The following LINGO2 variants were observed in gnomAD, a reference collection of about 807,000 sequenced individuals.
LINGO2 encodes the protein leucine rich repeat and Ig domain containing 2.
LINGO2 carries 14 observed loss-of-function variants against 30.6 expected under a neutral mutation model. The observed-to-expected ratio is 0.46, with a 90% CI of 0.30 to 0.72. The LOEUF (loss-of-function observed/expected upper bound fraction) is 0.72, where lower values mean the gene tolerates loss of function less well. LINGO2 is among the 30% of genes least tolerant of loss of function. The probability of loss-of-function intolerance (pLI) is 0.07; values close to 1 mark genes in which losing one functional copy is unlikely to be tolerated. For missense variants in LINGO2, 729 were observed against 751.7 expected (o/e 0.97, Z 0.35); for synonymous variants, 317 against 288.5 (o/e 1.10, Z -1.00).
At chr9:28,155,700 A>C (rs2133574240) in intron 4 of LINGO2, among the ~76,000 whole-genome samples, 1 of 152,338 alleles carries the variant, frequency 6.6e-6, no homozygotes. Context: ...GTGTCTTCCC[A>C]AAATTCCTGT....
intron 5 of LINGO2, among the ~76,000 whole-genome samples, chr9:28,002,825 C>T (rs995579004): frequency 2.0e-5 from 3 of 152,226 alleles, no homozygotes; most frequent in South Asian, 2.1e-4. Flanking sequence ...TGGTTTCCTT[C>T]GAAACACCAT....
chr9:28,276,788 A>G (rs1823129317), intron 4 of LINGO2, among the ~76,000 whole-genome samples: 1 of 152,112 alleles, frequency 6.6e-6, no homozygotes, highest in African/African-American at 2.4e-5. Flanking sequence ...AAATGCATCT[A>G]TCCCTTTTTG....
At chr9:28,322,509 C>T (rs1229310802) in intron 3 of LINGO2, among the ~76,000 whole-genome samples, 1 of 151,274 alleles carries the variant, frequency 6.6e-6, no homozygotes, top group Non-Finnish European at 1.5e-5. Flanking sequence ...TTTAAATAAC[C>T]AAACATAATA....
At chr9:28,568,088 T>C (rs1823481330) in intron 1 of LINGO2, among the ~76,000 whole-genome samples, 1 of 151,974 alleles carries the variant, frequency 6.6e-6, no homozygotes, top group Non-Finnish European at 1.5e-5. Context: ...GAATAAGAGT[T>C]TTCTACTCTC....
rs180828061 is a variant in LINGO2, at chr9:28,637,596, G to A, written c.-365+32604C>T. Reference sequence around the variant, plus strand: ...CTCTTTGAAGCAATTGTGAATGGGAGTTCACTCATGATTTGGTTCTCTGTT... The same window carrying A: ...CTCTTTGAAGCAATTGTGAATGGGAATTCACTCATGATTTGGTTCTCTGTT... On this transcript the variant is annotated intron_variant, in intron 1 of 5. Coordinates refer to ENST00000379992, the Ensembl canonical transcript of LINGO2. Among the ~76,000 whole-genome samples the A allele has an allele frequency of 1.1e-3, 175 of 152,220 alleles. No individual in the cohort carries two copies. The Middle Eastern group carries it at 0.024, about 21-fold the overall frequency.
chr9:28,015,718 C>T (rs573392117), intron 4 of LINGO2, among the ~76,000 whole-genome samples: 2 of 152,172 alleles, frequency 1.3e-5, no homozygotes, highest in South Asian at 4.2e-4. Flanking sequence ...CTAACAATCA[C>T]AATTAGAGCT....
At chr9:28,773,780 G>T in the LINGO2 span, among the ~76,000 whole-genome samples, 2 of 152,148 alleles carry the variant, frequency 1.3e-5, no homozygotes, top group Non-Finnish European at 2.9e-5. Context: ...TTCAACTGGA[G>T]AGAGGGTAAA....
intron 3 of LINGO2, among the ~76,000 whole-genome samples, chr9:28,369,220 A>G (rs1186966474): frequency 2.0e-5 from 3 of 152,140 alleles, no homozygotes; most frequent in African/African-American, 7.2e-5. Context: ...ACCTTCTGTC[A>G]TGCTACTATG....
intron 4 of LINGO2, among the ~76,000 whole-genome samples, chr9:28,168,054 T>A (rs1828480952): frequency 6.6e-6 from 1 of 152,206 alleles, no homozygotes; most frequent in South Asian, 2.1e-4. Flanking sequence ...CTGGCCACAG[T>A]GACTTGATTC....
In LINGO2 at chr9:28,244,819, C is replaced by CA. The variant is rs111672074; in HGVS notation, c.-87+50388dup. ...ATTGAGGCAGTAATAGTATGCCAAC[C>CA]AAAAAAAAAAAAAAGCCCAGGACCA... On this transcript the variant is annotated intron_variant, in intron 4 of 5. Coordinates refer to ENST00000379992, the Ensembl canonical transcript of LINGO2. Among the ~76,000 whole-genome samples the CA allele has an allele frequency of 3.1e-4, 44 of 140,454 alleles. 1 individual carries two copies. Among genetic ancestry groups the CA allele is most frequent in the African/African-American group, 5.2e-4 (20 of 38,172 alleles). The allele number at this position is 140,454 out of a possible 152,430, so 92.1% of individuals were successfully genotyped here. A position where few individuals can be genotyped will look rare whatever the true frequency, so the allele number is the denominator to read the frequency against.
intron 4 of LINGO2, among the ~76,000 whole-genome samples, chr9:28,056,756 C>T (rs1480261649): frequency 6.6e-6 from 1 of 152,158 alleles, no homozygotes; most frequent in Non-Finnish European, 1.5e-5. Flanking sequence ...CTTGCAACTC[C>T]AAAGAATTCT....
intron 4 of LINGO2, among the ~76,000 whole-genome samples, chr9:28,164,594 A>C (rs1431620452): frequency 6.6e-6 from 1 of 152,226 alleles, no homozygotes; most frequent in East Asian, 1.9e-4. Flanking sequence ...GGAGCAGTAC[A>C]GATAAATGTC....
rs968847570 is a variant in LINGO2, at chr9:28,497,531, T to C, written c.-364-21506A>G. On this transcript the variant is annotated intron_variant, in intron 1 of 5. Coordinates refer to ENST00000379992, the Ensembl canonical transcript of LINGO2. ...TCATCAGGTCATTTAAGAACTTTTC[T>C]ACACTGGTTATTCTAGTTAGTCATT... Among the ~76,000 whole-genome samples the C allele has an allele frequency of 2.6e-5, 4 of 152,340 alleles. No homozygotes were observed. The East Asian group carries it at 7.7e-4, about 29-fold the overall frequency.
intron 1 of LINGO2, among the ~76,000 whole-genome samples, chr9:28,660,105 T>C (rs1828528345): frequency 6.6e-6 from 1 of 152,108 alleles, no homozygotes; most frequent in African/African-American, 2.4e-5. Flanking sequence ...AACAAAAATA[T>C]ATAAAAATTG....
the LINGO2 span, among the ~76,000 whole-genome samples, chr9:28,697,952 C>A: frequency 6.6e-6 from 1 of 151,966 alleles, no homozygotes; most frequent in African/African-American, 2.4e-5. Context: ...AATTTAGATG[C>A]AAAATTTTGT....
intron 1 of LINGO2, among the ~76,000 whole-genome samples, chr9:28,518,729 A>G (rs780115027): frequency 1.1e-4 from 16 of 152,230 alleles, no homozygotes; most frequent in Non-Finnish European, 2.2e-4. Context: ...GACAAAGTAT[A>G]TAAGTATATA....
intron 4 of LINGO2, among the ~76,000 whole-genome samples, chr9:28,139,362 A>T (rs773256702): frequency 2.0e-5 from 3 of 152,244 alleles, no homozygotes; most frequent in Non-Finnish European, 4.4e-5. Context: ...TGCATGTGGA[A>T]TAAAGTATCC....
At chr9:27,972,851 A>G (rs1490252138) in intron 5 of LINGO2, among the ~76,000 whole-genome samples, 1 of 152,346 alleles carries the variant, frequency 6.6e-6, no homozygotes, top group East Asian at 1.9e-4. Context: ...AGATGCCAGG[A>G]TAGTTACCAA....
the LINGO2 span, among the ~76,000 whole-genome samples, chr9:28,838,400 A>G: frequency 0.01 from 1,557 of 152,294 alleles, 16 homozygotes; most frequent in Non-Finnish European, 0.016. Flanking sequence ...ATATTAATAC[A>G]TATTTCTAAA....
Sources: gnomAD v4.1 joint callset for allele counts (sites outside exome capture counted in the v4.1 genomes callset) on GRCh38, gnomAD v4.1.1 for gene constraint, MANE v1.5 for transcripts, NCBI Gene and HGNC (gene_info 2026-07-23, HGNC 2026-07-21) for gene names.